The following TRIM48 variants were observed in gnomAD, a reference collection of about 807,000 sequenced individuals.
TRIM48 encodes E3 ubiquitin-protein ligase TRIM48.
In TRIM48, 31 loss-of-function variants were observed where a neutral mutation model predicts 29.5. The observed-to-expected ratio is 1.05, with a 90% CI of 0.79 to 1.42. The LOEUF is 1.42. TRIM48 is among the 40% of genes most tolerant of loss of function. The probability of loss-of-function intolerance (pLI) is 0.00; values close to 1 mark genes in which losing one functional copy is unlikely to be tolerated. For missense variants in TRIM48, 344 were observed against 265.0 expected, an observed-to-expected ratio of 1.30 and a Z score of -2.07; for synonymous variants, 128 against 90.6, an observed-to-expected ratio of 1.41 and a Z score of -2.34.
At position 55,265,205 on chromosome 11, in the gene TRIM48, A is replaced by G. The variant is rs756437943; in HGVS notation, c.350A>G (p.Lys117Arg). 1.8e-5 allele frequency: 29 copies of G among 1,582,704 alleles called. 3 individuals carry two copies. Among genetic ancestry groups the G allele is most frequent in the Non-Finnish European group, 2.3e-5 (27 of 1,166,184 alleles). The part of the protein sequence containing the change: ...QMCGIHRETK[K>R]MFCEVDRSLL... ...TGTGGCATTCACAGGGAGACAAAGAAGATGTTCTGTGAAGTGGACAGGAGC... is the reference window on the plus strand; with the variant it reads ...TGTGGCATTCACAGGGAGACAAAGAGGATGTTCTGTGAAGTGGACAGGAGC... Residue 117 changes from lysine to arginine, a missense_variant, in exon 2 of 6, where the codon AAG (lysine) becomes AGG (arginine). Lys to Arg is a conservative substitution (Grantham distance 26). Transcript: ENST00000417545.
At chr11:55,266,559 G>T (rs557648132) in intron 3 of TRIM48, among the ~76,000 whole-genome samples, 1 of 147,606 alleles carries the variant, frequency 6.8e-6, no homozygotes, top group Non-Finnish European at 1.5e-5. Context: ...TTCGAGTGTG[G>T]TAAGTTCTTT....
intron 4 of TRIM48, 150 bp from the exon 5 acceptor site, chr11:55,269,092 T>A: frequency 2.4e-6 from 3 of 1,272,084 alleles, no homozygotes; most frequent in Non-Finnish European, 3.2e-6. Context: ...AAACTGTAAA[T>A]AGAAATTAAT....
At position 55,268,386 on chromosome 11, in the gene TRIM48, T is replaced by C. The variant is rs138681009; in HGVS notation, c.578+14T>C. 0.027 allele frequency: 41,877 copies of C among 1,545,764 alleles called. 4,063 individuals are homozygous for C. Among genetic ancestry groups the C allele is most frequent in the Non-Finnish European group, 0.031 (34,913 of 1,137,078 alleles). On this transcript the variant is annotated intron_variant, in intron 4 of 5. Transcript: ENST00000417545. ...CATATTATACAGGTGAGTATGTACC[T>C]GGATTTTAGCATATGTTCTTTCACT...
At chr11:55,267,231 T>TAC (rs896139796) in intron 3 of TRIM48, among the ~76,000 whole-genome samples, 1 of 147,750 alleles carries the variant, frequency 6.8e-6, no homozygotes, top group African/African-American at 2.5e-5. Flanking sequence ...ATTGGTCAGA[T>TAC]ACATCTATGT....
chr11:55,269,270 C>T lies in TRIM48; in HGVS notation c.607C>T (p.Gln203Ter), dbSNP rs746900302. 7.3e-5 allele frequency: 115 copies of T among 1,576,168 alleles called. 8 individuals are homozygous for T. Among genetic ancestry groups the T allele is most frequent in the Non-Finnish European group, 9.4e-5 (110 of 1,166,062 alleles). ...RSESVLLHMP[Q>*]PLNLALRAGP... Reference sequence around the variant, plus strand: ...TGAGTCCGTGCTGCTGCACATGCCCCAGCCTCTGAATCTAGCGCTCAGGGC... The same window carrying T: ...TGAGTCCGTGCTGCTGCACATGCCCTAGCCTCTGAATCTAGCGCTCAGGGC... The change falls in exon 5 of 6, where the codon CAG becomes TAG. Residue 203 changes from glutamine to a stop codon, truncating the protein, a stop_gained. Coordinates refer to ENST00000417545, the MANE Select transcript of TRIM48 (RefSeq NM_024114.5). LOFTEE classifies it high-confidence loss of function.
rs1036935302 is a variant in TRIM48, at chr11:55,265,572, G to C, written c.460-28G>C. The C allele has an allele frequency of 1.7e-5, 26 of 1,574,152 alleles. 3 individuals carry two copies. Among genetic ancestry groups the C allele is most frequent in the South Asian group, 2.4e-5 (2 of 83,280 alleles). Reference sequence around the variant, plus strand: ...TGTATGTTACTTTATTGTCTTCACTGGTGCTTCAATTTATGGCTCTTTTGC... The same window carrying C: ...TGTATGTTACTTTATTGTCTTCACTCGTGCTTCAATTTATGGCTCTTTTGC... On this transcript the variant is annotated intron_variant, in intron 2 of 5. Coordinates refer to ENST00000417545, the MANE Select transcript of TRIM48 (RefSeq NM_024114.5).
intron 1 of TRIM48, among the ~76,000 whole-genome samples, chr11:55,262,780 GT>G: frequency 6.7e-6 from 1 of 148,218 alleles, no homozygotes; most frequent in South Asian, 2.2e-4. Flanking sequence ...AAACATCCCA[GT>G]TTGGAAATCA....
chr11:55,266,277 A>G (rs1284903922), intron 3 of TRIM48, among the ~76,000 whole-genome samples: 3 of 147,836 alleles, frequency 2.0e-5, no homozygotes, highest in African/African-American at 4.9e-5. Context: ...TGCCCAAAAT[A>G]TGGGAACTAG....
At chr11:55,269,760 A>T (rs952888000) in intron 5 of TRIM48, among the ~76,000 whole-genome samples, 2 of 148,006 alleles carry the variant, frequency 1.4e-5, no homozygotes, top group Admixed American at 6.8e-5. Context: ...TTAATTTTTT[A>T]AATGGATATA....
intron 2 of TRIM48, 60 bp downstream of exon 2, chr11:55,265,374 A>G (rs1434917641): frequency 3.8e-6 from 6 of 1,573,484 alleles, no homozygotes; most frequent in Non-Finnish European, 4.3e-6. Flanking sequence ...CTGTGGCCCT[A>G]TTTTCTTGGA....
chr11:55,265,808 AAAAAAG>A, intron 3 of TRIM48, 113 bp downstream of exon 3: 1 of 1,229,218 alleles, frequency 8.1e-7, no homozygotes, highest in African/African-American at 1.6e-5. Flanking sequence ...AAAAAAAAAA[AAAAAAG>A]AGAAGAAAAC....
At chr11:55,262,527 T>C (rs1475479968) in intron 1 of TRIM48, among the ~76,000 whole-genome samples, 2 of 152,130 alleles carry the variant, frequency 1.3e-5, no homozygotes, top group Non-Finnish European at 2.9e-5. Flanking sequence ...TGAAAATATC[T>C]AGTGTTTGCT....
chr11:55,265,872 A>T (rs1354778280), intron 3 of TRIM48, among the ~76,000 whole-genome samples, 177 bp downstream of exon 3: 1 of 147,108 alleles, frequency 6.8e-6, no homozygotes, highest in African/African-American at 2.5e-5. Context: ...TGTGACTATT[A>T]GATGGGATTT....
In TRIM48 at chr11:55,265,484, G is replaced by A. The variant is rs1857378442; in HGVS notation, c.460-116G>A. ...TTGACGAGGAAGAAGTGAAACAGAA[G>A]AAATGCCATTTACTAGGGACTTATT... On this transcript the variant is annotated intron_variant, in intron 2 of 5. Coordinates refer to ENST00000417545, the MANE Select transcript of TRIM48 (RefSeq NM_024114.5). 2.2e-5 allele frequency: 32 copies of A among 1,480,242 alleles called. 2 individuals are homozygous for A. Among genetic ancestry groups the A allele is most frequent in the Non-Finnish European group, 2.7e-5 (30 of 1,094,194 alleles). The allele number at this position is 1,480,242 out of a possible 1,614,324, so 91.7% of individuals were successfully genotyped here.
At chr11:55,264,821 G>C in intron 1 of TRIM48, 79 bp from the exon 2 acceptor site, 1 of 1,539,930 alleles carries the variant, frequency 6.5e-7, no homozygotes, top group Non-Finnish European at 8.8e-7. Context: ...AGAAACTATA[G>C]CTATCACTTA....
chr11:55,265,504 CTTAT>C, intron 2 of TRIM48, 92 bp from the exon 3 acceptor site: 3 of 1,492,948 alleles, frequency 2.0e-6, no homozygotes, highest in Non-Finnish European at 2.7e-6. Flanking sequence ...TTACTAGGGA[CTTAT>C]TTGTCTCTCA....
At chr11:55,266,032 A>C (rs1022350640) in intron 3 of TRIM48, among the ~76,000 whole-genome samples, 1 of 147,530 alleles carries the variant, frequency 6.8e-6, no homozygotes, top group African/African-American at 2.5e-5. Flanking sequence ...GTTATTTGGC[A>C]GTCATGGAAA....
chr11:55,270,551 C>T lies in TRIM48; in HGVS notation c.*116C>T, dbSNP rs921117558. 2.1e-5 allele frequency: 33 copies of T among 1,583,084 alleles called. 3 individuals are homozygous for T. The highest frequency in any genetic ancestry group is 2.5e-5 in the Non-Finnish European group (29 of 1,165,764). ...AATCCGCCCCATATCACTGCAACAC[C>T]TACAAGTTTTCTTGCATGGGGTGCT... On this transcript the variant is annotated 3_prime_UTR_variant, in exon 6 of 6. Coordinates refer to ENST00000417545, the MANE Select transcript of TRIM48 (RefSeq NM_024114.5).
chr11:55,265,086 G>A lies in TRIM48; in HGVS notation c.231G>A (p.Gln77=). The A allele has an allele frequency of 3.2e-6, 5 of 1,583,356 alleles. 1 individual carries two copies. The highest frequency in any genetic ancestry group is 3.4e-6 in the Non-Finnish European group (4 of 1,166,144). The change falls in exon 2 of 6, where the codon CAG becomes CAA. Residue 77 remains glutamine (Q), a synonymous_variant. Coordinates refer to ENST00000417545, the MANE Select transcript of TRIM48 (RefSeq NM_024114.5). The part of the protein sequence containing the change: ...QCFECIKTIQ[Q]RNLKTNIRLK... ...TTGAATGCATAAAGACAATACAGCA[G>A]AGAAACCTCAAAACTAACATTCGAT...
Sources: allele counts gnomAD v4.1 joint callset (sites outside exome capture counted in the v4.1 genomes callset), GRCh38; gene constraint gnomAD v4.1.1; transcripts MANE v1.5; gene names NCBI Gene and HGNC (gene_info 2026-07-23, HGNC 2026-07-21).